Variants in FBXO25 observed in about 807,000 individuals in gnomAD.
FBXO25 encodes the protein F-box only protein 25.
A neutral mutation model predicts 51.9 loss-of-function variants in FBXO25; 45 were observed. The observed-to-expected ratio is 0.87, with a 90% CI of 0.68 to 1.11. The LOEUF (loss-of-function observed/expected upper bound fraction) is 1.11, where lower values mean the gene tolerates loss of function less well. FBXO25 is among the 50% of genes most tolerant of loss of function. The probability of loss-of-function intolerance (pLI) is 0.00; values close to 1 mark genes in which losing one functional copy is unlikely to be tolerated. For synonymous variants in FBXO25, 199 were observed against 151.0 expected, an observed-to-expected ratio of 1.32 and a Z score of -2.33; for missense variants, 507 against 428.5, an observed-to-expected ratio of 1.18 and a Z score of -1.62.
chr8:407,426 G>C (rs1474127358), intron 1 of FBXO25: 1 of 984,790 alleles, frequency 1.0e-6, no homozygotes, highest in East Asian at 1.2e-4. Context: ...TGGGGTCTGG[G>C]GGCGGCCGGC....
At chr8:422,014 C>G (rs1456814439) in intron 2 of FBXO25, among the ~76,000 whole-genome samples, 1 of 152,026 alleles carries the variant, frequency 6.6e-6, no homozygotes, top group Non-Finnish European at 1.5e-5. Flanking sequence ...TTGTAGAATT[C>G]CAGTTAATAA....
chr8:434,712 C>T (rs1227290873), intron 4 of FBXO25, among the ~76,000 whole-genome samples: 2 of 152,086 alleles, frequency 1.3e-5, no homozygotes, highest in South Asian at 2.1e-4. Context: ...ACATGAAAAT[C>T]TGTAGATTTT....
intron 9 of FBXO25, among the ~76,000 whole-genome samples, chr8:463,722 C>T (rs1285362992): frequency 1.3e-5 from 2 of 152,234 alleles, no homozygotes; most frequent in African/African-American, 2.4e-5. Flanking sequence ...AGTCTCATCC[C>T]TTCATCCAGT....
At chr8:426,036 C>T (rs1797454361) in intron 2 of FBXO25, among the ~76,000 whole-genome samples, 1 of 152,178 alleles carries the variant, frequency 6.6e-6, no homozygotes, top group Non-Finnish European at 1.5e-5. Context: ...TTCTGCCCGC[C>T]TCTACCAGAA....
rs1800625499 is a variant in FBXO25 at position 475,835 on chromosome 8, G to GCAAA, written c.*7034_*7037dup. ...TTCTACATATAAGATCATGTCATCT[G>GCAAA]CAAACAGATAATTTTGCTTCTTCCT... On this transcript the variant is annotated 3_prime_UTR_variant, in exon 10 of 10. Transcript: ENST00000350302. 6.6e-6 allele frequency: 1 copy of GCAAA among 152,032 alleles called. No homozygotes were observed. Among genetic ancestry groups the GCAAA allele is most frequent in the African/African-American group, 2.4e-5 (1 of 41,420 alleles). The allele number at this position is 152,032 out of a possible 1,614,324, so 9.4% of individuals were successfully genotyped here. A position where few individuals can be genotyped will look rare whatever the true frequency, so the allele number is the denominator to read the frequency against.
intron 9 of FBXO25, 103 bp from the exon 10 acceptor site, chr8:468,612 C>T (rs1800344123): frequency 1.2e-6 from 1 of 825,268 alleles, no homozygotes; most frequent in Non-Finnish European, 2.0e-6. Flanking sequence ...TGAGGTGGGG[C>T]CCAGGGTCCA....
intron 1 of FBXO25, among the ~76,000 whole-genome samples, chr8:409,951 C>G (rs1457653472): frequency 1.3e-5 from 2 of 152,054 alleles, no homozygotes; most frequent in Admixed American, 6.6e-5. Context: ...CCATTTTATC[C>G]CATCTTTTCT....
rs1436294823 is a variant in FBXO25, at chr8:471,505, T to C, written c.*2701T>C. 6.6e-6 allele frequency: 1 copy of C among 152,160 alleles called. No individual in the cohort carries two copies. Among genetic ancestry groups the C allele is most frequent in the African/African-American group, 2.4e-5 (1 of 41,434 alleles). 9.4% of individuals were successfully genotyped at this position (152,160 alleles called of 1,614,324 possible). On this transcript the variant is annotated 3_prime_UTR_variant, in exon 10 of 10. Transcript: ENST00000350302. ...TTCTGATGCCTTCATTACAATGAAGTAGATAATTCAGGACCCCAGGAGCCT... is the reference window on the plus strand; with the variant it reads ...TTCTGATGCCTTCATTACAATGAAGCAGATAATTCAGGACCCCAGGAGCCT...
chr8:436,751 G>C (rs1405106982), intron 5 of FBXO25, among the ~76,000 whole-genome samples: 2 of 152,202 alleles, frequency 1.3e-5, no homozygotes, highest in Non-Finnish European at 2.9e-5. Flanking sequence ...CATCAGCAGA[G>C]AGGTCTGTTT....
At chr8:413,902 G>C in intron 2 of FBXO25, among the ~76,000 whole-genome samples, 1 of 152,332 alleles carries the variant, frequency 6.6e-6, no homozygotes, top group African/African-American at 2.4e-5. Flanking sequence ...CACAGTACCA[G>C]GGTAGGTGGC....
At chr8:451,733 G>T (rs1180861333) in intron 7 of FBXO25, among the ~76,000 whole-genome samples, 1 of 152,162 alleles carries the variant, frequency 6.6e-6, no homozygotes, top group African/African-American at 2.4e-5. Flanking sequence ...GAATATTTCA[G>T]TTATTAGAAT....
chr8:451,038 C>G, intron 6 of FBXO25: 1 of 396,008 alleles, frequency 2.5e-6, no homozygotes, highest in South Asian at 5.4e-5. Context: ...TATATTTGTC[C>G]TTTTGTAGCT....
chr8:449,878 T>G, intron 5 of FBXO25, 112 bp from the exon 6 acceptor site: 1 of 750,004 alleles, frequency 1.3e-6, no homozygotes, highest in Non-Finnish European at 2.3e-6. Context: ...TACAGTGACT[T>G]AATTTAGGAT....
chr8:461,197 A>G (rs1214000475), intron 8 of FBXO25, among the ~76,000 whole-genome samples: 2 of 152,208 alleles, frequency 1.3e-5, no homozygotes, highest in Non-Finnish European at 2.9e-5. Context: ...TGTTTTTGGT[A>G]ACACCTTTAT....
intron 2 of FBXO25, among the ~76,000 whole-genome samples, chr8:429,136 A>G (rs983974936): frequency 2.0e-5 from 3 of 152,194 alleles, no homozygotes; most frequent in South Asian, 2.1e-4. Flanking sequence ...TATAGTAGCT[A>G]TACCATCCTC....
chr8:432,118 G>A (rs569827958), intron 3 of FBXO25, among the ~76,000 whole-genome samples: 1 of 152,304 alleles, frequency 6.6e-6, no homozygotes, highest in East Asian at 1.9e-4. Flanking sequence ...CACCATCACT[G>A]CTCTTGCACT....
At chr8:442,672 A>G (rs1478874629) in intron 5 of FBXO25, among the ~76,000 whole-genome samples, 1 of 151,908 alleles carries the variant, frequency 6.6e-6, no homozygotes, top group Non-Finnish European at 1.5e-5. Flanking sequence ...GTTTTGCCGT[A>G]TGGGTCAGGC....
At chr8:435,434 A>G (rs1798046304) in intron 4 of FBXO25, 181 bp from the exon 5 acceptor site, 1 of 749,526 alleles carries the variant, frequency 1.3e-6, no homozygotes, top group Non-Finnish European at 2.1e-6. Context: ...ATACATAAAC[A>G]GCTTAAATTA....
intron 2 of FBXO25, 149 bp downstream of exon 2, chr8:413,362 T>C (rs1294501160): frequency 3.0e-6 from 4 of 1,316,608 alleles, no homozygotes; most frequent in Non-Finnish European, 2.9e-6. Flanking sequence ...AGCTAAAAAA[T>C]GAGGCTAGTA....
Sources: gnomAD v4.1 joint callset for allele counts (sites outside exome capture counted in the v4.1 genomes callset) on GRCh38, gnomAD v4.1.1 for gene constraint, MANE v1.5 for transcripts, NCBI Gene and HGNC (gene_info 2026-07-23, HGNC 2026-07-21) for gene names.